The following PRUNE2 variants were observed in gnomAD, a reference collection of about 807,000 sequenced individuals.
The protein encoded by PRUNE2 is protein prune homolog 2.
A neutral mutation model predicts 252.0 loss-of-function variants in PRUNE2; 164 were observed. The observed-to-expected ratio is 0.65, with a 90% CI of 0.57 to 0.74. The LOEUF is 0.74. Ranked by LOEUF, PRUNE2 falls within the 30% of genes least tolerant of loss-of-function variation. PRUNE2 has a pLI of 0.00. For missense variants in PRUNE2, 3,495 were observed against 3,711.0 expected (o/e 0.94, Z 1.51); for synonymous variants, 1,292 against 1,350.2 (o/e 0.96, Z 0.94).
intron 1 of PRUNE2, among the ~76,000 whole-genome samples, chr9:76,875,569 T>C (rs2061431365): frequency 6.6e-6 from 1 of 152,044 alleles, no homozygotes; most frequent in South Asian, 2.1e-4. Flanking sequence ...TTTCACCATA[T>C]TGGCCAGGCT....
intron 6 of PRUNE2, chr9:76,784,120 C>T (rs1564296747): frequency 6.6e-6 from 1 of 152,232 alleles, no homozygotes; most frequent in African/African-American, 2.4e-5. Context: ...TCACAGATCC[C>T]TGGGAGAAAT....
chr9:76,614,537 C>A lies in PRUNE2; in HGVS notation c.*33G>T, dbSNP rs752542223. On this transcript the variant is annotated 3_prime_UTR_variant, in exon 19 of 19. Transcript: ENST00000376718. ...GATATGTTTCAACAGAACCATGAACCAGAAAAGCATCCTCTTCTTCCAGCA... is the reference window on the plus strand; with the variant it reads ...GATATGTTTCAACAGAACCATGAACAAGAAAAGCATCCTCTTCTTCCAGCA... 6.3e-7 allele frequency: 1 copy of A among 1,590,870 alleles called. No homozygotes were observed. The highest frequency in any genetic ancestry group is 1.1e-5 in the South Asian group (1 of 90,482).
chr9:76,644,994 ACAGTACTC>A (rs1391113403), intron 11 of PRUNE2, 85 bp from the exon 12 acceptor site: 1 of 1,221,534 alleles, frequency 8.2e-7, no homozygotes, highest in East Asian at 2.5e-5. Context: ...GCTTTACAAT[ACAGTACTC>A]CTACGGGCAG....
chr9:76,880,685 C>A (rs570437519), intron 1 of PRUNE2, among the ~76,000 whole-genome samples: 1 of 152,252 alleles, frequency 6.6e-6, no homozygotes, highest in East Asian at 1.9e-4. Flanking sequence ...TAAAGCATGT[C>A]TTTTGCATTT....
At chr9:76,620,737 G>C (rs1216990778) in intron 17 of PRUNE2, among the ~76,000 whole-genome samples, 8 of 152,006 alleles carry the variant, frequency 5.3e-5, no homozygotes, top group Non-Finnish European at 1.2e-4. Flanking sequence ...AGTAAGTGTT[G>C]ACAGCGTGCT....
intron 6 of PRUNE2, among the ~76,000 whole-genome samples, chr9:76,751,178 G>A (rs1321770122): frequency 1.3e-5 from 2 of 152,088 alleles, no homozygotes; most frequent in Admixed American, 1.3e-4. Context: ...CAGTCTGGAT[G>A]TAAACAGCTG....
At chr9:76,675,747 G>A (rs1306995520) in intron 9 of PRUNE2, among the ~76,000 whole-genome samples, 25 of 123,670 alleles carry the variant, frequency 2.0e-4, no homozygotes, top group African/African-American at 6.8e-4. Flanking sequence ...AAAAAATGAT[G>A]AGTTCATGTC....
chr9:76,689,672 G>A (rs2044499260), intron 9 of PRUNE2, among the ~76,000 whole-genome samples: 1 of 151,910 alleles, frequency 6.6e-6, no homozygotes, highest in Admixed American at 6.6e-5. Flanking sequence ...TTTCTCAAAG[G>A]CCCTGGGATG....
intron 1 of PRUNE2, among the ~76,000 whole-genome samples, chr9:76,897,390 C>CTATTTTTTTTTTTTTTTTT (rs1564527202): frequency 1.8e-5 from 1 of 56,252 alleles, no homozygotes; most frequent in African/African-American, 6.1e-5. Flanking sequence ...AGGCAAACCT[C>CTATTTTTTTTTTTTTTTTT]TTTTTTTTTT....
chr9:76,649,612 T>TGATAGATAGATAGATAGATAGATA (rs56889503), intron 11 of PRUNE2, among the ~76,000 whole-genome samples: 7 of 149,986 alleles, frequency 4.7e-5, no homozygotes, highest in East Asian at 2.0e-4. Context: ...GATAGATAGA[T>TGATAGATAGATAGATAGATAGATA]GATAGATAGA....
At chr9:76,887,813 T>C (rs1332362727) in intron 1 of PRUNE2, among the ~76,000 whole-genome samples, 2 of 152,114 alleles carry the variant, frequency 1.3e-5, no homozygotes, top group African/African-American at 4.8e-5. Context: ...GAGCAGGAAA[T>C]AGACCTTTAA....
rs138826562 is a variant in PRUNE2, at chr9:76,680,886, G to A, written c.8276+22451C>T. On this transcript the variant is annotated intron_variant, in intron 9 of 18. Coordinates refer to ENST00000376718, the MANE Select transcript of PRUNE2 (RefSeq NM_015225.3). ...GCACACTTTCAAACAACCGGATCTC[G>A]TGAGAACTCACTCATTATCATGAGA... Among the ~76,000 whole-genome samples the A allele has an allele frequency of 2.5e-3, 375 of 152,274 alleles. 2 individuals carry two copies. Among genetic ancestry groups the A allele is most frequent in the African/African-American group, 8.7e-3 (362 of 41,542 alleles).
chr9:76,716,487 G>A (rs374661141), intron 6 of PRUNE2, among the ~76,000 whole-genome samples: 1 of 152,134 alleles, frequency 6.6e-6, no homozygotes, highest in Middle Eastern at 3.2e-3. Context: ...ACTGTCACAG[G>A]ACTTGTACTG....
At chr9:76,659,238 C>T (rs1482395639) in intron 9 of PRUNE2, among the ~76,000 whole-genome samples, 2 of 152,170 alleles carry the variant, frequency 1.3e-5, no homozygotes, top group African/African-American at 4.8e-5. Context: ...TATAGCTGGC[C>T]TTTATTGTTT....
intron 13 of PRUNE2, among the ~76,000 whole-genome samples, chr9:76,637,898 A>G (rs1435306726): frequency 6.6e-6 from 1 of 152,224 alleles, no homozygotes; most frequent in Non-Finnish European, 1.5e-5. Flanking sequence ...CTGACTAAGA[A>G]CATGTTATGA....
Position 76,637,567 on chromosome 9 carries a change from G to A in PRUNE2, c.8832-18C>T. 1 of 1,605,316 alleles carries A rather than the reference G, an allele frequency of 6.2e-7. No homozygotes were observed. The highest frequency in any genetic ancestry group is 8.5e-7 in the Non-Finnish European group (1 of 1,175,880). ...TTACATATCTGATCACAGGAAGGAA[G>A]AGGAATGTTTTCAGTTCCCACATCC... On this transcript the variant is annotated intron_variant, in intron 13 of 18. Coordinates refer to ENST00000376718, the MANE Select transcript of PRUNE2 (RefSeq NM_015225.3).
At chr9:76,666,189 C>G (rs185575940) in intron 9 of PRUNE2, among the ~76,000 whole-genome samples, 1 of 152,244 alleles carries the variant, frequency 6.6e-6, no homozygotes, top group South Asian at 2.1e-4. Context: ...GGAAGACACC[C>G]GTTGCCAAGC....
intron 1 of PRUNE2, among the ~76,000 whole-genome samples, chr9:76,868,509 A>G (rs375264874): frequency 6.6e-6 from 1 of 152,158 alleles, no homozygotes; most frequent in African/African-American, 2.4e-5. Flanking sequence ...AAGTTAGTTA[A>G]CAGCCATTAG....
In PRUNE2 at chr9:76,745,560, G is replaced by C. The variant is rs73651002; in HGVS notation, c.757-31839C>G. Among the ~76,000 whole-genome samples, 886 of 151,974 alleles carry C rather than the reference G, an allele frequency of 5.8e-3. 4 individuals are homozygous for C. Among genetic ancestry groups the C allele is most frequent in the Middle Eastern group, 0.041 (12 of 294 alleles). ...CATGTTTGATGTCCCACACCTCTAT[G>C]ATTGCACCCCCAACCAATCAGTAGC... is the stretch of plus-strand genomic sequence containing the variant. On this transcript the variant is annotated intron_variant, in intron 6 of 18. Coordinates refer to ENST00000376718, the MANE Select transcript of PRUNE2 (RefSeq NM_015225.3).
Sources: gnomAD v4.1 joint callset for allele counts (sites outside exome capture counted in the v4.1 genomes callset) on GRCh38, gnomAD v4.1.1 for gene constraint, MANE v1.5 for transcripts, NCBI Gene and HGNC (gene_info 2026-07-23, HGNC 2026-07-21) for gene names.